NEK10: variants seen among roughly 807,000 people sequenced by gnomAD.
NEK10 encodes NIMA related kinase 10, also known as serine/threonine-protein kinase Nek10.
NEK10 carries 122 observed loss-of-function variants against 159.8 expected under a neutral mutation model. That is an observed-to-expected ratio of 0.76 (90% confidence interval 0.66 to 0.89). NEK10 has a LOEUF of 0.89. Ranked by LOEUF, NEK10 falls within the 40% of genes least tolerant of loss-of-function variation. The pLI is 0.00. For missense variants in NEK10, 1,342 were observed against 1,323.1 expected, an observed-to-expected ratio of 1.01 and a Z score of -0.22; for synonymous variants, 466 against 457.1, an observed-to-expected ratio of 1.02 and a Z score of -0.25.
intron 23 of NEK10, among the ~76,000 whole-genome samples, chr3:27,208,178 G>A (rs1189872726): frequency 1.3e-5 from 2 of 152,062 alleles, no homozygotes; most frequent in African/African-American, 4.8e-5. Context: ...AGGAGTTAAT[G>A]AGAACTAATG....
In NEK10 at chr3:27,109,217, A is replaced by G. The variant is rs1939273709; in HGVS notation, c.*2055T>C. Among the ~76,000 whole-genome samples the G allele has an allele frequency of 6.6e-6, 1 of 152,032 alleles. No homozygotes were observed. Among genetic ancestry groups the G allele is most frequent in the Non-Finnish European group, 1.5e-5 (1 of 67,988 alleles). ...AACATGGTGTAACCCCATCTCTACT[A>G]AAAACACAAAAATTAGCTGGGCATG... On this transcript the variant is annotated 3_prime_UTR_variant, in exon 36 of 36. Transcript: ENST00000691995.
chr3:27,146,963 G>A (rs2148716665), intron 30 of NEK10, among the ~76,000 whole-genome samples: 1 of 152,260 alleles, frequency 6.6e-6, no homozygotes, highest in East Asian at 1.9e-4. Context: ...AGCTGGAGAG[G>A]TAGCCAGGGA....
At chr3:27,188,887 T>C (rs1306214961) in intron 26 of NEK10, among the ~76,000 whole-genome samples, 1 of 152,172 alleles carries the variant, frequency 6.6e-6, no homozygotes, top group African/African-American at 2.4e-5. Flanking sequence ...GAAATGTCTT[T>C]AATTGATTTT....
intron 5 of NEK10, among the ~76,000 whole-genome samples, chr3:27,340,457 T>A (rs1428643245): frequency 6.6e-6 from 1 of 152,120 alleles, no homozygotes; most frequent in African/African-American, 2.4e-5. Context: ...CAAACCACCA[T>A]GGCACATGTA....
chr3:27,266,097 G>A lies in NEK10; in HGVS notation c.2015-9726C>T, dbSNP rs572158970. ...TGGGATTACAGGCGTGAGCCACTGC[G>A]CCCGGCCTACAATTTGCAAATATTT... On this transcript the variant is annotated intron_variant, in intron 22 of 35. Coordinates refer to ENST00000691995, the MANE Select transcript of NEK10 (RefSeq NM_001394966.1). Among the ~76,000 whole-genome samples the A allele has an allele frequency of 3.0e-4, 45 of 152,218 alleles. No homozygotes were observed. The South Asian group carries it at 7.9e-3, about 27-fold the overall frequency.
chr3:27,160,351 T>C (rs2148806126), intron 30 of NEK10, among the ~76,000 whole-genome samples: 1 of 152,306 alleles, frequency 6.6e-6, no homozygotes, highest in Non-Finnish European at 1.5e-5. Flanking sequence ...GTGACCTAAG[T>C]GAATGGCACT....
chr3:27,220,034 C>T (rs1409521624), intron 23 of NEK10, among the ~76,000 whole-genome samples: 1 of 152,094 alleles, frequency 6.6e-6, no homozygotes, highest in Non-Finnish European at 1.5e-5. Context: ...GACTTGTACA[C>T]TAAAAAGAGC....
At chr3:27,243,919 G>C (rs1352909249) in intron 23 of NEK10, among the ~76,000 whole-genome samples, 1 of 152,008 alleles carries the variant, frequency 6.6e-6, no homozygotes, top group African/African-American at 2.4e-5. Context: ...AAAGAACTAA[G>C]TCATCTGCTC....
At chr3:27,243,472 C>G (rs1012326509) in intron 23 of NEK10, among the ~76,000 whole-genome samples, 2 of 152,164 alleles carry the variant, frequency 1.3e-5, no homozygotes, top group Non-Finnish European at 2.9e-5. Context: ...CTTCTCCACT[C>G]TTTCCATTAT....
chr3:27,274,921 G>A (rs567706584), intron 22 of NEK10, among the ~76,000 whole-genome samples: 9 of 152,204 alleles, frequency 5.9e-5, no homozygotes, highest in South Asian at 2.1e-4. Flanking sequence ...TCATCCAGAC[G>A]ACATCACACA....
intron 5 of NEK10, among the ~76,000 whole-genome samples, chr3:27,333,354 T>C (rs571558770): frequency 4.7e-4 from 72 of 152,060 alleles, no homozygotes; most frequent in African/African-American, 1.7e-3. Context: ...AAGACCAGCC[T>C]GGCCAACATG....
At chr3:27,362,287 G>A (rs1313841283) in intron 1 of NEK10, among the ~76,000 whole-genome samples, 1 of 152,188 alleles carries the variant, frequency 6.6e-6, no homozygotes, top group Admixed American at 6.5e-5. Flanking sequence ...AAGAAGGCAA[G>A]TGTTGGGAAA....
At chr3:27,276,655 C>G (rs1179513921) in intron 22 of NEK10, among the ~76,000 whole-genome samples, 1 of 152,286 alleles carries the variant, frequency 6.6e-6, no homozygotes, top group African/African-American at 2.4e-5. Context: ...TAAATCTCTG[C>G]CAATGGCAGA....
intron 23 of NEK10, among the ~76,000 whole-genome samples, chr3:27,251,734 G>A (rs1453361809): frequency 6.6e-6 from 1 of 151,816 alleles, no homozygotes; most frequent in Non-Finnish European, 1.5e-5. Flanking sequence ...TTTCCCTCAG[G>A]GCCACTTTAT....
rs17019669 is a variant in NEK10, at chr3:27,307,657, C to G, written c.803+202G>C. On this transcript the variant is annotated intron_variant, in intron 11 of 35. Coordinates refer to ENST00000691995, the MANE Select transcript of NEK10 (RefSeq NM_001394966.1). ...ATTTCATCAGCTTCTATGCCCAGATCTAGAAGTAATGCAGGACTAAACATA... is the reference window on the plus strand; with the variant it reads ...ATTTCATCAGCTTCTATGCCCAGATGTAGAAGTAATGCAGGACTAAACATA... Among the ~76,000 whole-genome samples the G allele has an allele frequency of 1.2e-3, 188 of 152,276 alleles. 3 individuals carry two copies. The East Asian group carries it at 0.029, about 23-fold the overall frequency.
intron 23 of NEK10, among the ~76,000 whole-genome samples, chr3:27,204,286 T>TTGTTGTTG (rs1559605910): frequency 8.9e-5 from 10 of 112,198 alleles, no homozygotes; most frequent in Admixed American, 1.9e-4. Context: ...TTTTTTTTTT[T>TTGTTGTTG]TTTTTTTTGT....
At chr3:27,208,613 A>G (rs978277685) in intron 23 of NEK10, among the ~76,000 whole-genome samples, 2 of 152,222 alleles carry the variant, frequency 1.3e-5, no homozygotes, top group African/African-American at 4.8e-5. Context: ...GAGAAGGGAA[A>G]GATGATCCCC....
At chr3:27,181,061 C>G (rs1344453254) in intron 26 of NEK10, among the ~76,000 whole-genome samples, 1 of 152,090 alleles carries the variant, frequency 6.6e-6, no homozygotes, top group African/African-American at 2.4e-5. Context: ...TCATGCTACT[C>G]CTTCTGCTAC....
intron 32 of NEK10, 100 bp downstream of exon 32, chr3:27,131,780 A>G (rs1942649371): frequency 2.0e-6 from 1 of 508,632 alleles, no homozygotes; most frequent in South Asian, 4.8e-5. Context: ...AAACTTTAAT[A>G]GAGGATAGAG....
Sources: allele counts gnomAD v4.1 joint callset (sites outside exome capture counted in the v4.1 genomes callset), GRCh38; gene constraint gnomAD v4.1.1; transcripts MANE v1.5; gene names NCBI Gene and HGNC (gene_info 2026-07-23, HGNC 2026-07-21).